Variants in UACA observed in about 807,000 individuals in gnomAD.
UACA encodes uveal autoantigen with coiled-coil domains and ankyrin repeats.
Under a neutral mutation model 160.5 loss-of-function variants are expected in UACA, and 112 were observed. The ratio of observed to expected loss-of-function variants is 0.70; its 90% CI spans 0.60 to 0.82. UACA has a LOEUF of 0.82. UACA is among the 40% of genes least tolerant of loss of function. The probability of loss-of-function intolerance (pLI) is 0.00; values close to 1 mark genes in which losing one functional copy is unlikely to be tolerated. For missense variants in UACA, 1,574 were observed against 1,614.6 expected, an observed-to-expected ratio of 0.97 and a Z score of 0.43; for synonymous variants, 557 against 568.4, an observed-to-expected ratio of 0.98 and a Z score of 0.29.
chr15:70,692,077 A>G (rs1302136769), intron 3 of UACA, among the ~76,000 whole-genome samples: 1 of 152,196 alleles, frequency 6.6e-6, no homozygotes, highest in African/African-American at 2.4e-5. Flanking sequence ...CACCTCTTGG[A>G]TGGTGAAAGA....
At chr15:70,696,445 C>G (rs1339724573) in intron 2 of UACA, among the ~76,000 whole-genome samples, 1 of 152,130 alleles carries the variant, frequency 6.6e-6, no homozygotes, top group Non-Finnish European at 1.5e-5. Flanking sequence ...TGCTTGGAGA[C>G]AAAATCTGAA....
chr15:70,735,478 G>C (rs1356359922), intron 1 of UACA, among the ~76,000 whole-genome samples: 2 of 151,782 alleles, frequency 1.3e-5, no homozygotes, highest in Admixed American at 1.3e-4. Context: ...CTATTTTAAG[G>C]AGTCTGAAGA....
intron 16 of UACA, among the ~76,000 whole-genome samples, chr15:70,665,983 A>T (rs1189550998): frequency 6.6e-6 from 1 of 152,220 alleles, no homozygotes; most frequent in Admixed American, 6.5e-5. Context: ...TATTCTGTAA[A>T]TTGTACCATG....
intron 1 of UACA, among the ~76,000 whole-genome samples, chr15:70,719,345 G>C (rs1595908629): frequency 6.6e-6 from 1 of 152,200 alleles, no homozygotes; most frequent in Non-Finnish European, 1.5e-5. Context: ...TAGTGTCTAA[G>C]ACCTTTGAAT....
chr15:70,679,437 A>AATAAATAAATAGATAG, intron 10 of UACA, among the ~76,000 whole-genome samples, 171 bp downstream of exon 10: 1 of 148,250 alleles, frequency 6.7e-6, no homozygotes, highest in Non-Finnish European at 1.5e-5. Flanking sequence ...TAAATAAATA[A>AATAAATAAATAGATAG]ATAGAAGAGA....
At chr15:70,773,607 G>C in the UACA span, among the ~76,000 whole-genome samples, 1 of 152,084 alleles carries the variant, frequency 6.6e-6, no homozygotes, top group South Asian at 2.1e-4. Context: ...CAGGATAAAG[G>C]CAAAAAGATG....
At chr15:70,703,173 G>T in intron 1 of UACA, 4 of 1,288,920 alleles carry the variant, frequency 3.1e-6, no homozygotes, top group South Asian at 1.2e-5. Flanking sequence ...TGGTTTTTTT[G>T]TGGTGGCTGT....
At chr15:70,745,890 GGGAAAACTGGCTAGCCATATGC>G (rs1289367747) in intron 1 of UACA, among the ~76,000 whole-genome samples, 10 of 152,152 alleles carry the variant, frequency 6.6e-5, no homozygotes, top group Non-Finnish European at 1.3e-4. Flanking sequence ...AAATGGTGTT[GGGAAAACTGGCTAGCCATATGC>G]GGAAAACTGG....
chr15:70,659,521 G>GA (rs1480877700), intron 18 of UACA, among the ~76,000 whole-genome samples: 5 of 144,116 alleles, frequency 3.5e-5, no homozygotes, highest in South Asian at 2.2e-4. Flanking sequence ...TTTTCTTCCT[G>GA]AAAAAAAATC....
In UACA at chr15:70,666,795, A is replaced by G. The variant is rs1363741276; in HGVS notation, c.3889T>C (p.Leu1297=). Residue 1297 remains leucine (L), a synonymous_variant, in exon 16 of 19, where the codon TTA becomes CTA. Transcript: ENST00000322954. ...CTTTGTAACTCTGTGATTGTTGTTA[A>G]GGACTTATCACATCGTTCCTTCTGA... The part of the protein sequence containing the change: ...KDQKERCDKS[L]TTITELQRRI... The G allele has an allele frequency of 3.7e-6, 6 of 1,612,752 alleles. No homozygotes were observed. Among genetic ancestry groups the G allele is most frequent in the Non-Finnish European group, 5.1e-6 (6 of 1,179,720 alleles).
the UACA span, among the ~76,000 whole-genome samples, chr15:70,773,319 T>C: frequency 1.3e-5 from 2 of 152,136 alleles, no homozygotes; most frequent in Non-Finnish European, 2.9e-5. Context: ...GAGAAGCTAA[T>C]GAAAGTAGAC....
chr15:70,700,316 T>TACACACACAC (rs1445933630), intron 1 of UACA, among the ~76,000 whole-genome samples: 6 of 142,646 alleles, frequency 4.2e-5, no homozygotes, highest in African/African-American at 1.8e-4. Context: ...TATATATATA[T>TACACACACAC]ATACACACAC....
rs957984005 is a variant in UACA at position 70,668,837 on chromosome 15, G to T, written c.1847C>A (p.Ala616Glu). ...GGCCAACTTCGCTGACAATTCTTTT[G>T]CCTGGCCTTCCATCTCTGTGACCTT... is the stretch of plus-strand genomic sequence containing the variant. ...GRKVTEMEGQ[A>E]KELSAKLALS... Residue 616 changes from alanine (A) to glutamate (E), a missense_variant, in exon 16 of 19, where the codon GCA becomes GAA. Coordinates refer to ENST00000322954, the MANE Select transcript of UACA (RefSeq NM_018003.4). The T allele has an allele frequency of 1.2e-6, 2 of 1,613,528 alleles. No individual in the cohort carries two copies. The highest frequency in any genetic ancestry group is 1.3e-5 in the African/African-American group (1 of 74,862).
At chr15:70,657,216 T>C (rs1030192338) in intron 18 of UACA, 89 bp from the exon 19 acceptor site, 17 of 994,912 alleles carry the variant, frequency 1.7e-5, no homozygotes, top group African/African-American at 3.2e-5. Flanking sequence ...AGAGCATAAC[T>C]AGTCATTGAT....
At chr15:70,702,684 TTTTAA>T (rs1205417715) in intron 1 of UACA, among the ~76,000 whole-genome samples, 1 of 152,224 alleles carries the variant, frequency 6.6e-6, no homozygotes, top group African/African-American at 2.4e-5. Flanking sequence ...ACGTGTCACA[TTTTAA>T]TTTAAGGAAA....
intron 16 of UACA, 116 bp downstream of exon 16, chr15:70,666,608 A>C: frequency 1.2e-6 from 1 of 838,426 alleles, no homozygotes; most frequent in Non-Finnish European, 1.7e-6. Context: ...GCAAGTTGCT[A>C]AACTGGAAAG....
intron 9 of UACA, chr15:70,680,154 G>A (rs1278955778): frequency 6.6e-6 from 1 of 152,426 alleles, no homozygotes; most frequent in Non-Finnish European, 1.5e-5. Flanking sequence ...GTAAGGAAGA[G>A]ACAGACAGTC....
chr15:70,658,935 T>C (rs982564968), intron 18 of UACA, among the ~76,000 whole-genome samples: 6 of 152,224 alleles, frequency 3.9e-5, no homozygotes, highest in African/African-American at 1.2e-4. Context: ...TAGGACACAG[T>C]AGAAAATAAT....
intron 9 of UACA, 145 bp from the exon 10 acceptor site, chr15:70,679,821 T>A: frequency 2.3e-6 from 1 of 443,452 alleles, no homozygotes; most frequent in Non-Finnish European, 4.0e-6. Context: ...GTGTTTCTAT[T>A]TAAAACTCCA....
Sources: allele counts gnomAD v4.1 joint callset (sites outside exome capture counted in the v4.1 genomes callset), GRCh38; gene constraint gnomAD v4.1.1; transcripts MANE v1.5; gene names NCBI Gene and HGNC (gene_info 2026-07-23, HGNC 2026-07-21).